Variants in AOPEP observed in about 807,000 individuals in gnomAD.
AOPEP encodes aminopeptidase O (putative).
Under a neutral mutation model 98.1 loss-of-function variants are expected in AOPEP, and 77 were observed. That is an observed-to-expected ratio of 0.78 (90% CI 0.65 to 0.95). AOPEP has a LOEUF of 0.95. Among genes scored for constraint, AOPEP ranks in the 40% least tolerant of loss-of-function variants. AOPEP has a pLI of 0.00. For missense variants in AOPEP, 1,024 were observed against 1,024.7 expected (o/e 1.00, Z 0.01); for synonymous variants, 346 against 365.3 (o/e 0.95, Z 0.60).
chr9:94,835,166 C>T (rs568798924), intron 5 of AOPEP, among the ~76,000 whole-genome samples: 1 of 152,134 alleles, frequency 6.6e-6, no homozygotes, highest in Non-Finnish European at 1.5e-5. Context: ...ATAACTTTCC[C>T]TTCCCCCCAT....
At chr9:94,819,375 G>A (rs1332782210) in intron 5 of AOPEP, among the ~76,000 whole-genome samples, 1 of 152,166 alleles carries the variant, frequency 6.6e-6, no homozygotes, top group Non-Finnish European at 1.5e-5. Context: ...AGAAGACCAA[G>A]TGTGTGGCCA....
At chr9:94,878,245 C>T (rs938774436) in intron 5 of AOPEP, among the ~76,000 whole-genome samples, 1 of 149,092 alleles carries the variant, frequency 6.7e-6, no homozygotes, top group Non-Finnish European at 1.5e-5. Context: ...GGAAAGCTGT[C>T]CGCATCTAGG....
intron 14 of AOPEP, among the ~76,000 whole-genome samples, chr9:95,064,262 C>A (rs2067632789): frequency 6.6e-6 from 1 of 152,222 alleles, no homozygotes; most frequent in African/African-American, 2.4e-5. Flanking sequence ...GCCCTGCAGA[C>A]CCTGTGTAAT....
chr9:95,092,486 C>T, the AOPEP span, among the ~76,000 whole-genome samples: 84 of 152,168 alleles, frequency 5.5e-4, no homozygotes, highest in Non-Finnish European at 9.7e-4. Flanking sequence ...TGCCTGGGGC[C>T]GCCTGCCCAG....
At chr9:94,982,088 A>G (rs73657020) in intron 11 of AOPEP, among the ~76,000 whole-genome samples, 431 of 152,330 alleles carry the variant, frequency 2.8e-3, no homozygotes, top group African/African-American at 0.01. Flanking sequence ...AAGAGATTTA[A>G]AATTGATTGT....
the AOPEP span, chr9:95,100,502 G>C: frequency 4.3e-6 from 1 of 232,080 alleles, no homozygotes; most frequent in Non-Finnish European, 8.5e-6. Flanking sequence ...ATGGACAAAA[G>C]CAAGTCTTGA....
At chr9:94,901,889 A>G (rs188861034) in intron 5 of AOPEP, among the ~76,000 whole-genome samples, 35 of 152,306 alleles carry the variant, frequency 2.3e-4, no homozygotes, top group Non-Finnish European at 3.7e-4. Flanking sequence ...AGCCTGGGTG[A>G]CAGAGTGAGA....
Position 94,786,729 on chromosome 9 carries a change from C to T in AOPEP, c.965-6036C>T, listed in dbSNP as rs148445021. Among the ~76,000 whole-genome samples, 179 of 152,316 alleles carry T rather than the reference C, an allele frequency of 1.2e-3. 1 individual carries two copies. Among genetic ancestry groups the T allele is most frequent in the African/African-American group, 4.2e-3 (173 of 41,560 alleles). On this transcript the variant is annotated intron_variant, in intron 3 of 16. Transcript: ENST00000375315. ...AAAATCTTCTCCAGAGCACTAGCAG[C>T]GCTCCATGATCTCAGCGCTGGCTCC...
rs552533483 is a variant in AOPEP, at chr9:94,772,401, C to T, written c.798-601C>T. 3.9e-5 allele frequency among the ~76,000 whole-genome samples: 6 copies of T among 152,280 alleles called. No individual in the cohort carries two copies. In the East Asian group the frequency reaches 5.8e-4, roughly 15 times the overall value. On this transcript the variant is annotated intron_variant, in intron 2 of 16. Transcript: ENST00000375315. ...ACATGGTGACTTGGTAACGACTCTG[C>T]GCCCTTGGCTTTCCCATCACAAGCC...
chr9:94,991,120 C>G (rs1310541222), intron 11 of AOPEP, among the ~76,000 whole-genome samples: 1 of 152,322 alleles, frequency 6.6e-6, no homozygotes, highest in East Asian at 1.9e-4. Context: ...GCTGCTGCCC[C>G]CACTGTGGCC....
At chr9:95,139,549 G>A in the AOPEP span, among the ~76,000 whole-genome samples, 3 of 152,198 alleles carry the variant, frequency 2.0e-5, no homozygotes, top group Middle Eastern at 3.4e-3. Context: ...TGTGGGCCTC[G>A]TGCCACGGAG....
chr9:94,739,650 A>C (rs1421951576), intron 1 of AOPEP, among the ~76,000 whole-genome samples: 2 of 152,122 alleles, frequency 1.3e-5, no homozygotes, highest in Non-Finnish European at 2.9e-5. Context: ...GTCTCAAAAA[A>C]AAAAAAAAAA....
chr9:94,739,670 G>A lies in AOPEP; in HGVS notation c.-136+12919G>A, dbSNP rs1832632111. Among the ~76,000 whole-genome samples, 4 of 151,684 alleles carry A rather than the reference G, an allele frequency of 2.6e-5. No homozygotes were observed. In the South Asian group the frequency reaches 8.3e-4, roughly 32 times the overall value. ...AAAAAAAAAAAAAAAAAGATTTGGAGTGTTTACAATTGTAGTTATCAGTCC... is the reference window on the plus strand; with the variant it reads ...AAAAAAAAAAAAAAAAAGATTTGGAATGTTTACAATTGTAGTTATCAGTCC... On this transcript the variant is annotated intron_variant, in intron 1 of 16. Coordinates refer to ENST00000375315, the MANE Select transcript of AOPEP (RefSeq NM_001193329.3).
intron 1 of AOPEP, among the ~76,000 whole-genome samples, chr9:94,754,161 C>G (rs75211002): frequency 0.014 from 2,165 of 152,276 alleles, 49 homozygotes; most frequent in East Asian, 0.089. Flanking sequence ...ATTTGAACTT[C>G]TAAGTTTCCT....
In AOPEP at chr9:94,938,803, C is replaced by T. The variant is rs987327401; in HGVS notation, c.1661+10272C>T. Reference sequence around the variant, plus strand: ...GTAGAGTTCTAGGAAGATTACCCAGCGTTTGGGATAACATATGATCAAAGA... The same window carrying T: ...GTAGAGTTCTAGGAAGATTACCCAGTGTTTGGGATAACATATGATCAAAGA... On this transcript the variant is annotated intron_variant, in intron 7 of 16. Transcript: ENST00000375315. Among the ~76,000 whole-genome samples, 5 of 152,218 alleles carry T rather than the reference C, an allele frequency of 3.3e-5. No individual in the cohort carries two copies. The East Asian group carries it at 7.7e-4, about 24-fold the overall frequency.
intron 5 of AOPEP, among the ~76,000 whole-genome samples, chr9:94,825,985 TTTTTC>T (rs1854438650): frequency 6.6e-6 from 1 of 152,198 alleles, no homozygotes; most frequent in Non-Finnish European, 1.5e-5. Flanking sequence ...TAAAAATAGC[TTTTTC>T]TTTTTTTAGC....
chr9:94,942,860 G>T (rs566989944), intron 7 of AOPEP, among the ~76,000 whole-genome samples: 1 of 143,134 alleles, frequency 7.0e-6, no homozygotes, highest in African/African-American at 2.6e-5. Context: ...AGTTGAGGTT[G>T]TGCCATTGCA....
chr9:95,123,565 C>T, the AOPEP span: 41 of 556,642 alleles, frequency 7.4e-5, no homozygotes, highest in Middle Eastern at 8.7e-4. Context: ...AAAAGGGCCG[C>T]GGCCACGTGC....
chr9:94,776,306 A>C (rs1842077913), intron 3 of AOPEP, among the ~76,000 whole-genome samples: 1 of 152,042 alleles, frequency 6.6e-6, no homozygotes, highest in East Asian at 1.9e-4. Context: ...ATTTATTATT[A>C]TTATTTGTTT....
Sources: allele counts gnomAD v4.1 joint callset (sites outside exome capture counted in the v4.1 genomes callset), GRCh38; gene constraint gnomAD v4.1.1; transcripts MANE v1.5; gene names NCBI Gene and HGNC (gene_info 2026-07-23, HGNC 2026-07-21).